Variants in SRD5A2 observed in about 807,000 individuals in gnomAD.
The protein encoded by SRD5A2 is steroid 5 alpha-reductase 2, also known as 3-oxo-5-alpha-steroid 4-dehydrogenase 2.
SRD5A2 carries 30 observed loss-of-function variants against 27.4 expected under a neutral mutation model. The ratio of observed to expected loss-of-function variants is 1.10; its 90% CI spans 0.82 to 1.49. The LOEUF (loss-of-function observed/expected upper bound fraction) is 1.49. Among genes scored for constraint, SRD5A2 ranks in the 40% most tolerant of loss-of-function variants. The pLI is 0.00. For synonymous variants in SRD5A2, 141 were observed against 133.6 expected, an observed-to-expected ratio of 1.06 and a Z score of -0.38; for missense variants, 348 against 323.4, an observed-to-expected ratio of 1.08 and a Z score of -0.58.
chr2:31,554,971 G>GTGTGTGTGTGTGTGTGTGTGTGTA (rs1666465266), intron 1 of SRD5A2, among the ~76,000 whole-genome samples: 3 of 134,702 alleles, frequency 2.2e-5, no homozygotes, highest in Admixed American at 7.4e-5. Context: ...GTGTGTGTAT[G>GTGTGTGTGTGTGTGTGTGTGTGTA]TGTGTGTGTG....
At chr2:31,602,658 T>C in the SRD5A2 span, among the ~76,000 whole-genome samples, 5 of 151,928 alleles carry the variant, frequency 3.3e-5, no homozygotes, top group East Asian at 9.6e-4. Flanking sequence ...CTTCAAACTA[T>C]ACTACAAGGC....
the SRD5A2 span, among the ~76,000 whole-genome samples, chr2:31,621,204 T>C: frequency 1.3e-5 from 2 of 151,930 alleles, no homozygotes; most frequent in Non-Finnish European, 2.9e-5. Flanking sequence ...TACAGAATAA[T>C]GTCATCACCA....
At chr2:31,599,606 C>T in the SRD5A2 span, among the ~76,000 whole-genome samples, 3 of 151,724 alleles carry the variant, frequency 2.0e-5, no homozygotes, top group African/African-American at 7.3e-5. Flanking sequence ...TTTCTTTAAG[C>T]AAATGATAAT....
At chr2:31,627,185 C>G in the SRD5A2 span, among the ~76,000 whole-genome samples, 1 of 152,034 alleles carries the variant, frequency 6.6e-6, no homozygotes, top group Non-Finnish European at 1.5e-5. Context: ...GTTTGTATTT[C>G]TTTGGGATCA....
intron 1 of SRD5A2, among the ~76,000 whole-genome samples, chr2:31,573,866 G>C (rs1666900757): frequency 6.6e-6 from 1 of 152,246 alleles, no homozygotes; most frequent in South Asian, 2.1e-4. Context: ...AAAAATCTAA[G>C]CCACATTCCC....
the SRD5A2 span, among the ~76,000 whole-genome samples, chr2:31,602,984 A>G: frequency 6.6e-6 from 1 of 152,060 alleles, no homozygotes; most frequent in African/African-American, 2.4e-5. Context: ...CCTAGGAAAT[A>G]CCATTCAGGA....
the SRD5A2 span, among the ~76,000 whole-genome samples, chr2:31,654,824 A>G: frequency 6.6e-6 from 1 of 152,186 alleles, no homozygotes; most frequent in Non-Finnish European, 1.5e-5. Context: ...CACTGATTAG[A>G]GACATGCTAA....
At chr2:31,534,272 G>A (rs1665978228) in intron 1 of SRD5A2, among the ~76,000 whole-genome samples, 2 of 152,232 alleles carry the variant, frequency 1.3e-5, no homozygotes, top group South Asian at 2.1e-4. Flanking sequence ...TCAAAAAGAT[G>A]TACTGTCACT....
the SRD5A2 span, among the ~76,000 whole-genome samples, chr2:31,610,805 C>G: frequency 1.3e-3 from 194 of 152,176 alleles, no homozygotes; most frequent in Admixed American, 4.3e-3. Context: ...ATTACAAAAT[C>G]AACATACAAA....
intron 1 of SRD5A2, among the ~76,000 whole-genome samples, chr2:31,574,453 A>G (rs771668882): frequency 9.2e-5 from 14 of 152,286 alleles, no homozygotes; most frequent in African/African-American, 2.9e-4. Context: ...AGTGACATTA[A>G]ATTAGATTTT....
chr2:31,625,544 G>A, the SRD5A2 span, among the ~76,000 whole-genome samples: 1 of 152,164 alleles, frequency 6.6e-6, no homozygotes, highest in South Asian at 2.1e-4. Context: ...TGTATAAAGT[G>A]TAAGGAAGGG....
chr2:31,570,376 C>CA lies in SRD5A2; in HGVS notation c.281+10243dup, dbSNP rs538254094. 1.5e-4 allele frequency among the ~76,000 whole-genome samples: 23 copies of CA among 152,182 alleles called. 1 individual carries two copies. In the East Asian group the frequency reaches 4.2e-3, roughly 28 times the overall value. On this transcript the variant is annotated intron_variant, in intron 1 of 4. Coordinates refer to ENST00000622030, the MANE Select transcript of SRD5A2 (RefSeq NM_000348.4). Reference sequence around the variant, plus strand: ...AATGAGGCATTAAAGAAACATAATTCAAAATAACAAGAGCCATCAATGACA... The same window carrying CA: ...AATGAGGCATTAAAGAAACATAATTCAAAAATAACAAGAGCCATCAATGACA...
At chr2:31,611,754 T>A in the SRD5A2 span, among the ~76,000 whole-genome samples, 1 of 152,152 alleles carries the variant, frequency 6.6e-6, no homozygotes, top group Non-Finnish European at 1.5e-5. Context: ...TGTTTGGCTA[T>A]TTTTTATACA....
the SRD5A2 span, among the ~76,000 whole-genome samples, chr2:31,615,287 G>A: frequency 6.6e-6 from 1 of 152,144 alleles, no homozygotes; most frequent in Non-Finnish European, 1.5e-5. Flanking sequence ...GAAGAAGACA[G>A]GAAGATGTGG....
At chr2:31,578,968 G>T (rs1366322901) in intron 1 of SRD5A2, among the ~76,000 whole-genome samples, 2 of 152,088 alleles carry the variant, frequency 1.3e-5, no homozygotes, top group African/African-American at 4.8e-5. Flanking sequence ...AAAAATAATT[G>T]TTGACAAAAA....
In SRD5A2 at chr2:31,525,673, T is replaced by G. The variant is rs940594569; in HGVS notation, c.*523A>C. 1 of 228,520 alleles carries G rather than the reference T, an allele frequency of 4.4e-6. No homozygotes were observed. The highest frequency in any genetic ancestry group is 8.7e-6 in the Non-Finnish European group (1 of 115,152). 14.2% of individuals were successfully genotyped at this position (228,520 alleles called of 1,614,324 possible). A position where few individuals can be genotyped will look rare whatever the true frequency, so the allele number is the denominator to read the frequency against. On this transcript the variant is annotated 3_prime_UTR_variant, in exon 5 of 5. Transcript: ENST00000622030. ...CCTAATAATTTCTCATCTTTCCTAA[T>G]TAACCAAGAAAAAGGAAGCCATGAC...
intron 1 of SRD5A2, among the ~76,000 whole-genome samples, chr2:31,550,272 G>T (rs1666357394): frequency 6.6e-6 from 1 of 151,772 alleles, no homozygotes; most frequent in Admixed American, 6.6e-5. Flanking sequence ...AGATATCCTT[G>T]TCCAGATGGC....
the SRD5A2 span, among the ~76,000 whole-genome samples, chr2:31,649,289 G>A: frequency 8.5e-5 from 13 of 152,062 alleles, no homozygotes; most frequent in Non-Finnish European, 2.9e-5. Context: ...CAGTTAGCTC[G>A]ACCTGAATAC....
the SRD5A2 span, among the ~76,000 whole-genome samples, chr2:31,640,249 C>G: frequency 6.6e-6 from 1 of 151,144 alleles, no homozygotes; most frequent in Non-Finnish European, 1.5e-5. Context: ...AATTGCTTTT[C>G]TGTGTTATCT....
Sources: gnomAD v4.1 joint callset for allele counts (sites outside exome capture counted in the v4.1 genomes callset) on GRCh38, gnomAD v4.1.1 for gene constraint, MANE v1.5 for transcripts, NCBI Gene and HGNC (gene_info 2026-07-23, HGNC 2026-07-21) for gene names.